PPFIA2: variants seen among roughly 807,000 people sequenced by gnomAD.
PPFIA2 encodes the protein PPFI scaffold protein A2.
PPFIA2 carries 46 observed loss-of-function variants against 175.5 expected under a neutral mutation model. The observed-to-expected ratio is 0.26, with a 90% CI of 0.21 to 0.34. PPFIA2 has a LOEUF of 0.34. Ranked by LOEUF, PPFIA2 falls within the 10% of genes least tolerant of loss-of-function variation. PPFIA2 has a pLI of 1.00. For missense variants in PPFIA2, 1,179 were observed against 1,506.1 expected (o/e 0.78, Z 3.60); for synonymous variants, 568 against 511.4 (o/e 1.11, Z -1.49).
chr12:81,550,339 C>A (rs761996452), intron 4 of PPFIA2, among the ~76,000 whole-genome samples: 2 of 151,940 alleles, frequency 1.3e-5, no homozygotes, highest in Non-Finnish European at 2.9e-5. Flanking sequence ...TTGCTAGGCA[C>A]TTGGGAAATT....
intron 4 of PPFIA2, among the ~76,000 whole-genome samples, chr12:81,573,605 G>A (rs1415866000): frequency 2.0e-5 from 3 of 151,796 alleles, no homozygotes; most frequent in African/African-American, 7.3e-5. Flanking sequence ...AGATTTCAGT[G>A]CTTTCATCTT....
intron 4 of PPFIA2, among the ~76,000 whole-genome samples, chr12:81,651,096 TACTA>T (rs2153532432): frequency 6.6e-6 from 1 of 152,312 alleles, no homozygotes; most frequent in Admixed American, 6.5e-5. Context: ...AGATATAATG[TACTA>T]ATTTGAGGAA....
chr12:81,299,312 C>A lies in PPFIA2; in HGVS notation c.2713G>T (p.Ala905Ser), dbSNP rs756585090. 3.8e-6 allele frequency: 6 copies of A among 1,593,844 alleles called. No individual in the cohort carries two copies. The African/African-American group carries it at 5.4e-5, about 14-fold the overall frequency. The part of the protein sequence containing the change: ...FAQWDGPTVV[A>S]WLELWLGMPA... Reference sequence around the variant, plus strand: ...TTTCATTCTCTTACCTCTAGCCATGCGACCACAGTTGGCCCATCCCACTGG... The same window carrying A: ...TTTCATTCTCTTACCTCTAGCCATGAGACCACAGTTGGCCCATCCCACTGG... Residue 905 changes from alanine to serine, a missense_variant, in exon 23 of 33, where the codon GCA (alanine) becomes TCA (serine). Transcript: ENST00000549396.
intron 4 of PPFIA2, among the ~76,000 whole-genome samples, chr12:81,593,166 A>G (rs2058870024): frequency 6.6e-6 from 1 of 152,208 alleles, no homozygotes; most frequent in Non-Finnish European, 1.5e-5. Context: ...ACTATATACA[A>G]TAAAAATTTA....
At chr12:81,582,213 G>C (rs1214581288) in intron 4 of PPFIA2, among the ~76,000 whole-genome samples, 3 of 151,676 alleles carry the variant, frequency 2.0e-5, no homozygotes, top group Non-Finnish European at 2.9e-5. Context: ...CACCAGACAT[G>C]GTGAACAATA....
chr12:81,280,971 AT>A (rs2041967167), intron 27 of PPFIA2, among the ~76,000 whole-genome samples: 1 of 152,050 alleles, frequency 6.6e-6, no homozygotes, highest in Non-Finnish European at 1.5e-5. Context: ...CCAACATGGA[AT>A]TTTCAAAGAA....
At chr12:81,578,770 T>C (rs2073983101) in intron 4 of PPFIA2, among the ~76,000 whole-genome samples, 1 of 151,856 alleles carries the variant, frequency 6.6e-6, no homozygotes, top group Non-Finnish European at 1.5e-5. Flanking sequence ...TCTGTCCATC[T>C]GATTCAAATC....
At chr12:81,443,367 G>C (rs945471830) in intron 6 of PPFIA2, among the ~76,000 whole-genome samples, 7 of 152,152 alleles carry the variant, frequency 4.6e-5, no homozygotes, top group African/African-American at 1.7e-4. Context: ...TTGATAATCA[G>C]TCCAGTTGTC....
chr12:81,629,267 T>C (rs2063087991), intron 4 of PPFIA2, among the ~76,000 whole-genome samples: 1 of 152,166 alleles, frequency 6.6e-6, no homozygotes, highest in South Asian at 2.1e-4. Flanking sequence ...TCTAACTAGG[T>C]AGAAATTTAA....
intron 11 of PPFIA2, chr12:81,369,425 A>G: frequency 7.4e-7 from 1 of 1,348,936 alleles, no homozygotes; most frequent in Non-Finnish European, 9.6e-7. Context: ...ATGAGCAATG[A>G]AATCAGCCAA....
intron 21 of PPFIA2, among the ~76,000 whole-genome samples, chr12:81,329,691 C>T (rs536397279): frequency 6.6e-6 from 1 of 152,140 alleles, no homozygotes; most frequent in African/African-American, 2.4e-5. Flanking sequence ...GGCATCTGGT[C>T]GAGTGCATGC....
intron 9 of PPFIA2, among the ~76,000 whole-genome samples, chr12:81,377,848 A>G (rs1450425728): frequency 2.0e-5 from 3 of 152,104 alleles, no homozygotes; most frequent in Admixed American, 2.0e-4. Context: ...GGGGCTAATA[A>G]CATCCCCCCA....
chr12:81,493,901 A>AAAAT (rs2059720909), intron 4 of PPFIA2, among the ~76,000 whole-genome samples: 1 of 151,334 alleles, frequency 6.6e-6, no homozygotes, highest in Non-Finnish European at 1.5e-5. Context: ...AGTCAATAAG[A>AAAAT]AAATAAACAT....
chr12:81,582,010 G>C (rs538692786), intron 4 of PPFIA2, among the ~76,000 whole-genome samples: 1 of 151,992 alleles, frequency 6.6e-6, no homozygotes, highest in African/African-American at 2.4e-5. Context: ...TTCAAGTTTA[G>C]ATATAAGGCC....
chr12:81,642,636 T>A (rs1265551171), intron 4 of PPFIA2, among the ~76,000 whole-genome samples: 3 of 130,208 alleles, frequency 2.3e-5, no homozygotes, highest in Non-Finnish European at 5.0e-5. Context: ...TATATATCTA[T>A]TATATACATA....
In PPFIA2 at chr12:81,637,534, A is replaced by G. The variant is rs150208179; in HGVS notation, c.303+39257T>C. 3.9e-4 allele frequency among the ~76,000 whole-genome samples: 60 copies of G among 151,944 alleles called. No individual in the cohort carries two copies. The East Asian group carries it at 0.01, about 26-fold the overall frequency. On this transcript the variant is annotated intron_variant, in intron 4 of 32. Transcript: ENST00000549396. ...CATCTCTACCCCTACCTCCCCTCAC[A>G]TGGAATCATTTCATACAAATAATCT...
At position 81,292,609 on chromosome 12, in the gene PPFIA2, T is replaced by C. The variant is rs189703486; in HGVS notation, c.2925+2226A>G. The C allele has an allele frequency of 1.0e-3, 155 of 152,284 alleles. 1 individual carries two copies. Among genetic ancestry groups the C allele is most frequent in the Middle Eastern group, 6.8e-3 (2 of 294 alleles). The allele number at this position is 152,284 out of a possible 1,614,324, so 9.4% of individuals were successfully genotyped here. ...CTTTATTGTACGAATGGAGCATATA[T>C]GTGTACATATAAAACACATAATACA... On this transcript the variant is annotated intron_variant, in intron 24 of 32. Coordinates refer to ENST00000549396, the MANE Select transcript of PPFIA2 (RefSeq NM_003625.5).
At chr12:81,623,657 T>C (rs1404576721) in intron 4 of PPFIA2, among the ~76,000 whole-genome samples, 1 of 151,996 alleles carries the variant, frequency 6.6e-6, no homozygotes, top group African/African-American at 2.4e-5. Flanking sequence ...TAAAGTTCCT[T>C]AAACCAGACA....
At chr12:81,606,928 G>A (rs1240021229) in intron 4 of PPFIA2, among the ~76,000 whole-genome samples, 1 of 151,950 alleles carries the variant, frequency 6.6e-6, no homozygotes, top group Non-Finnish European at 1.5e-5. Flanking sequence ...TTTTATTTTA[G>A]GATTTCTATA....
Sources: allele counts gnomAD v4.1 joint callset (sites outside exome capture counted in the v4.1 genomes callset), GRCh38; gene constraint gnomAD v4.1.1; transcripts MANE v1.5; gene names NCBI Gene and HGNC (gene_info 2026-07-23, HGNC 2026-07-21).